ATP1A2: variants seen among roughly 807,000 people sequenced by gnomAD.
The protein encoded by ATP1A2 is sodium/potassium-transporting ATPase subunit alpha-2.
ATP1A2 carries 56 observed loss-of-function variants against 113.1 expected under a neutral mutation model. The ratio of observed to expected loss-of-function variants is 0.49; its 90% confidence interval spans 0.40 to 0.62. ATP1A2 has a LOEUF of 0.62. Ranked by LOEUF, ATP1A2 falls within the 20% of genes least tolerant of loss-of-function variation. ATP1A2 has a pLI of 0.00. For missense variants in ATP1A2, 712 were observed against 1,357.8 expected (o/e 0.52, Z 7.47); for synonymous variants, 490 against 526.8 (o/e 0.93, Z 0.96).
intron 4 of ATP1A2, 115 bp downstream of exon 4, chr1:160,123,531 C>G: frequency 1.5e-6 from 2 of 1,334,436 alleles, no homozygotes; most frequent in Non-Finnish European, 2.1e-6. Flanking sequence ...CCTACAGATG[C>G]CCCTGCATCT....
Position 160,127,912 on chromosome 1 carries a change from AC to A in ATP1A2, c.1017+93del. Reference sequence around the variant, plus strand: ...GCACAGTTGCTTGTAGCTTCTCACTACTTTTTCCCCCTAGAGTCACTTATTG... The same window carrying A: ...GCACAGTTGCTTGTAGCTTCTCACTATTTTTCCCCCTAGAGTCACTTATTG... On this transcript the variant is annotated intron_variant, in intron 8 of 22. Transcript: ENST00000361216. 3.4e-6 allele frequency: 5 copies of A among 1,490,434 alleles called. No homozygotes were observed. In the Middle Eastern group the frequency reaches 9.3e-4, roughly 276 times the overall value. 92.3% of individuals were successfully genotyped at this position (1,490,434 alleles called of 1,614,324 possible). A position where few individuals can be genotyped will look rare whatever the true frequency, so the allele number is the denominator to read the frequency against.
At chr1:160,138,157 T>C (rs1274883492) in intron 20 of ATP1A2, among the ~76,000 whole-genome samples, 1 of 151,732 alleles carries the variant, frequency 6.6e-6, no homozygotes, top group Non-Finnish European at 1.5e-5. Flanking sequence ...AGAGGAAGAG[T>C]ACTAATACCA....
rs1050395058 is a variant in ATP1A2, at chr1:160,125,490, C to A, written c.748+237C>A. 8 of 535,734 alleles carry A rather than the reference C, an allele frequency of 1.5e-5. No individual in the cohort carries two copies. The East Asian group carries it at 1.6e-4, about 11-fold the overall frequency. 33.2% of individuals were successfully genotyped at this position (535,734 alleles called of 1,614,324 possible). The stretch of plus-strand genomic sequence containing the variant: ...CCCAGGGAGATCTCTGTTCTGTCCA[C>A]CCCAAGACTGAGTGGATTTCAAAGC... On this transcript the variant is annotated intron_variant, in intron 7 of 22. Coordinates refer to ENST00000361216, the MANE Select transcript of ATP1A2 (RefSeq NM_000702.4).
intron 14 of ATP1A2, 43 bp downstream of exon 14, chr1:160,134,663 C>T (rs760681779): frequency 1.9e-5 from 30 of 1,614,022 alleles, no homozygotes; most frequent in Non-Finnish European, 2.5e-5. Flanking sequence ...ATCAACACGT[C>T]CTCTTGCACA....
At chr1:160,123,537 C>A (rs755111007) in intron 4 of ATP1A2, 121 bp downstream of exon 4, 10 of 1,283,984 alleles carry the variant, frequency 7.8e-6, no homozygotes, top group Non-Finnish European at 1.1e-5. Flanking sequence ...GATGCCCCTG[C>A]ATCTTAGGCT....
chr1:160,128,044 G>A lies in ATP1A2; in HGVS notation c.1017+224G>A, dbSNP rs561756589. On this transcript the variant is annotated intron_variant, in intron 8 of 22. Transcript: ENST00000361216. ...CAGTTTCTCTTTTGGAGCTTGTCAC[G>A]GCTGCCTTTTCTCACGATCTGCCAG... 2.0e-5 allele frequency among the ~76,000 whole-genome samples: 3 copies of A among 152,202 alleles called. No homozygotes were observed. In the East Asian group the frequency reaches 5.8e-4, roughly 29 times the overall value.
intron 1 of ATP1A2, among the ~76,000 whole-genome samples, chr1:160,116,690 T>C (rs1057201586): frequency 2.0e-5 from 3 of 152,108 alleles, no homozygotes; most frequent in African/African-American, 4.8e-5. Flanking sequence ...TCCTTTTACA[T>C]GCTGTGCCTG....
Position 160,126,694 on chromosome 1 carries a change from C to T in ATP1A2, c.749-858C>T, listed in dbSNP as rs929382856. Among the ~76,000 whole-genome samples, 18 of 152,258 alleles carry T rather than the reference C, an allele frequency of 1.2e-4. No individual in the cohort carries two copies. The East Asian group carries it at 2.9e-3, about 24-fold the overall frequency. ...CTATGTTACCCAGGCTGGCCTCAAACTCCTGGGCTCAAGTGATCCTCCTGC... is the reference window on the plus strand; with the variant it reads ...CTATGTTACCCAGGCTGGCCTCAAATTCCTGGGCTCAAGTGATCCTCCTGC... On this transcript the variant is annotated intron_variant, in intron 7 of 22. Transcript: ENST00000361216.
intron 20 of ATP1A2, among the ~76,000 whole-genome samples, chr1:160,137,489 T>G (rs1651993930): frequency 1.3e-5 from 2 of 152,228 alleles, no homozygotes; most frequent in Admixed American, 1.3e-4. Context: ...GCTAAGTGCC[T>G]AACACATTGT....
chr1:160,137,284 A>C, intron 20 of ATP1A2: 6 of 530,922 alleles, frequency 1.1e-5, no homozygotes, highest in Admixed American at 3.1e-5. Flanking sequence ...TCTTTCCCCC[A>C]TCTCCTACTT....
chr1:160,115,832 G>A lies in ATP1A2; in HGVS notation c.-30G>A, dbSNP rs759542448. Reference sequence around the variant, plus strand: ...TGGGATCCTCCTGGTGACCTCTCCCGCTAAGGTCCCTCAGCCACTCTGCCC... The same window carrying A: ...TGGGATCCTCCTGGTGACCTCTCCCACTAAGGTCCCTCAGCCACTCTGCCC... On this transcript the variant is annotated 5_prime_UTR_variant, in exon 1 of 23. Transcript: ENST00000361216. The A allele has an allele frequency of 3.0e-5, 47 of 1,588,428 alleles. No individual in the cohort carries two copies. The highest frequency in any genetic ancestry group is 3.6e-5 in the Non-Finnish European group (42 of 1,167,594).
Position 160,138,623 on chromosome 1 carries a change from A to G in ATP1A2, c.2841-1017A>G, listed in dbSNP as rs371218212. On this transcript the variant is annotated intron_variant, in intron 20 of 22. Coordinates refer to ENST00000361216, the MANE Select transcript of ATP1A2 (RefSeq NM_000702.4). Reference sequence around the variant, plus strand: ...TTGGGAGGCTGAGACAGGAGAATCAATTGAGCCCAAGAGTTTGGTACTAGC... The same window carrying G: ...TTGGGAGGCTGAGACAGGAGAATCAGTTGAGCCCAAGAGTTTGGTACTAGC... Among the ~76,000 whole-genome samples, 4 of 152,120 alleles carry G rather than the reference A, an allele frequency of 2.6e-5. No individual in the cohort carries two copies. The East Asian group carries it at 5.8e-4, about 22-fold the overall frequency.
In ATP1A2 at chr1:160,141,362, C is replaced by A. The variant is rs1216493290; in HGVS notation, c.*40C>A. The A allele has an allele frequency of 4.3e-6, 7 of 1,611,684 alleles. No individual in the cohort carries two copies. Among genetic ancestry groups the A allele is most frequent in the Non-Finnish European group, 5.9e-6 (7 of 1,177,910 alleles). The stretch of plus-strand genomic sequence containing the variant: ...GAACCAGGCATGGAAAGATGGGGAG[C>A]TCTGGAGGTGTTGTGGGGATGGTGA... On this transcript the variant is annotated 3_prime_UTR_variant, in exon 23 of 23. Transcript: ENST00000361216.
At position 160,124,325 on chromosome 1, in the gene ATP1A2, G is replaced by T; in HGVS notation, c.525G>T (p.Lys175Asn). 6.2e-7 allele frequency: 1 copy of T among 1,610,494 alleles called. No individual in the cohort carries two copies. The highest frequency in any genetic ancestry group is 8.5e-7 in the Non-Finnish European group (1 of 1,178,458). The change falls in exon 6 of 23, where the codon AAG (lysine) becomes AAT (asparagine). Residue 175 changes from lysine (K) to asparagine (N), a missense_variant. Physicochemically the swap from Lys to Asn is moderately conservative, Grantham distance 94 (BLOSUM62 0). Transcript: ENST00000361216. ...CCCTTGTGATCCGGGAGGGAGAGAA[G>T]ATGCAGATCAACGCAGAGGAAGTGG... ...QQALVIREGEKMQINAEEVVV... is the reference protein window; with the variant it reads ...QQALVIREGENMQINAEEVVV...
intron 18 of ATP1A2, 99 bp downstream of exon 18, chr1:160,136,469 G>A (rs1175598553): frequency 1.2e-6 from 2 of 1,612,380 alleles, no homozygotes; most frequent in African/African-American, 1.3e-5. Context: ...ACAGAGGCCA[G>A]CTACCCAAGG....
At chr1:160,124,626 C>T (rs912614306) in intron 6 of ATP1A2, among the ~76,000 whole-genome samples, 196 bp downstream of exon 6, 1 of 152,328 alleles carries the variant, frequency 6.6e-6, no homozygotes, top group East Asian at 1.9e-4. Context: ...TATGAATGCT[C>T]TATGCCCCAG....
intron 7 of ATP1A2, among the ~76,000 whole-genome samples, chr1:160,127,275 T>C (rs1360202436): frequency 6.6e-6 from 1 of 152,250 alleles, no homozygotes. Context: ...GCAATTTTTA[T>C]TTATTGAATC....
intron 21 of ATP1A2, 50 bp from the exon 22 acceptor site, chr1:160,139,843 C>T: frequency 3.7e-6 from 6 of 1,610,634 alleles, no homozygotes; most frequent in Non-Finnish European, 5.1e-6. Flanking sequence ...TATGTGACAG[C>T]CACCAAGCCA....
intron 20 of ATP1A2, among the ~76,000 whole-genome samples, chr1:160,137,432 G>A (rs80288606): frequency 0.12 from 18,695 of 152,118 alleles, 1,252 homozygotes; most frequent in Non-Finnish European, 0.13. Context: ...GCCGAGGGTC[G>A]GGTTCAGCGC....
Sources: gnomAD v4.1 joint callset for allele counts (sites outside exome capture counted in the v4.1 genomes callset) on GRCh38, gnomAD v4.1.1 for gene constraint, MANE v1.5 for transcripts, NCBI Gene and HGNC (gene_info 2026-07-23, HGNC 2026-07-21) for gene names.